Variants in TPRG1 observed in about 807,000 individuals in gnomAD.
TPRG1 encodes tumor protein p63-regulated gene 1 protein.
TPRG1 carries 29 observed loss-of-function variants against 29.3 expected under a neutral mutation model. That is an observed-to-expected ratio of 0.99 (90% CI 0.74 to 1.35). The LOEUF (loss-of-function observed/expected upper bound fraction) is 1.35. Among genes scored for constraint, TPRG1 ranks in the 40% most tolerant of loss-of-function variants. TPRG1 has a pLI of 0.00. For synonymous variants in TPRG1, 130 were observed against 116.8 expected (o/e 1.11, Z -0.73); for missense variants, 327 against 335.0 (o/e 0.98, Z 0.19).
chr3:189,079,135 C>A (rs563134708), intron 4 of TPRG1, among the ~76,000 whole-genome samples: 57 of 152,102 alleles, frequency 3.7e-4, no homozygotes, highest in African/African-American at 1.3e-3. Flanking sequence ...AGGGAGGGAG[C>A]AAAAGGAAGA....
chr3:189,095,194 G>A (rs576129532), upstream of TPRG1, among the ~76,000 whole-genome samples: 1 of 152,158 alleles, frequency 6.6e-6, no homozygotes, highest in Non-Finnish European at 1.5e-5. Context: ...AATGGAACAG[G>A]ACATCTTTTA....
intron 4 of TPRG1, among the ~76,000 whole-genome samples, chr3:189,308,505 A>C (rs1156445715): frequency 6.6e-6 from 1 of 152,228 alleles, no homozygotes; most frequent in Non-Finnish European, 1.5e-5. Flanking sequence ...GTGATAACTT[A>C]GCTTCAGATT....
At chr3:189,293,204 T>C (rs1877935) in intron 4 of TPRG1, among the ~76,000 whole-genome samples, 42,378 of 152,106 alleles carry the variant, frequency 0.28, 6,381 homozygotes, top group Middle Eastern at 0.35. Flanking sequence ...TGAGATGATG[T>C]GGAGGCTCCT....
At chr3:189,201,870 T>C (rs975236324) in intron 1 of TPRG1, among the ~76,000 whole-genome samples, 1 of 152,054 alleles carries the variant, frequency 6.6e-6, no homozygotes, top group Admixed American at 6.6e-5. Context: ...AGGCTGGTCT[T>C]GAACTCCTGA....
At chr3:189,076,992 G>A (rs1717222623) in intron 4 of TPRG1, among the ~76,000 whole-genome samples, 1 of 151,336 alleles carries the variant, frequency 6.6e-6, no homozygotes, top group Non-Finnish European at 1.5e-5. Context: ...ACCACAATAA[G>A]ATAAATTGTA....
chr3:189,253,376 T>G (rs1193006942), intron 4 of TPRG1, among the ~76,000 whole-genome samples: 1 of 152,226 alleles, frequency 6.6e-6, no homozygotes, highest in Non-Finnish European at 1.5e-5. Context: ...CTGTGTTAGT[T>G]TGCTGAGAAT....
intron 3 of TPRG1, among the ~76,000 whole-genome samples, chr3:189,216,974 G>T (rs766818968): frequency 6.6e-6 from 1 of 152,148 alleles, no homozygotes; most frequent in South Asian, 2.1e-4. Flanking sequence ...CACAAATGCG[G>T]TATTTCTAAA....
chr3:189,313,757 G>A (rs1723060375), intron 5 of TPRG1, among the ~76,000 whole-genome samples: 1 of 152,120 alleles, frequency 6.6e-6, no homozygotes, highest in African/African-American at 2.4e-5. Flanking sequence ...TCTTGCCTTT[G>A]TGGAAGGCAG....
At chr3:189,206,288 A>G (rs2108800585) in intron 1 of TPRG1, among the ~76,000 whole-genome samples, 1 of 151,792 alleles carries the variant, frequency 6.6e-6, no homozygotes, top group East Asian at 1.9e-4. Flanking sequence ...ACTTTCAGTG[A>G]TAACATTGTA....
At chr3:189,020,566 T>C (rs1328220986) in intron 3 of TPRG1, among the ~76,000 whole-genome samples, 1 of 151,204 alleles carries the variant, frequency 6.6e-6, no homozygotes, top group Non-Finnish European at 1.5e-5. Flanking sequence ...AATCCTGAGT[T>C]CTAGTTTGAT....
chr3:189,000,208 A>G (rs1376341201), intron 1 of TPRG1, among the ~76,000 whole-genome samples: 2 of 152,014 alleles, frequency 1.3e-5, no homozygotes, highest in Non-Finnish European at 2.9e-5. Flanking sequence ...AGCAGTGTTT[A>G]CCTGCTATTT....
chr3:189,150,340 G>A (rs968343568), intron 4 of TPRG1, among the ~76,000 whole-genome samples: 3 of 152,110 alleles, frequency 2.0e-5, no homozygotes, highest in African/African-American at 4.8e-5. Context: ...GCACTACCAC[G>A]CCGAGCAAAT....
intron 1 of TPRG1, among the ~76,000 whole-genome samples, chr3:189,196,644 T>C (rs1245564499): frequency 1.3e-5 from 2 of 152,050 alleles, no homozygotes; most frequent in African/African-American, 2.4e-5. Flanking sequence ...TCCCACTGGG[T>C]CCCTCCCATG....
chr3:189,106,711 T>C (rs1215269418), intron 1 of TPRG1, among the ~76,000 whole-genome samples: 3 of 152,162 alleles, frequency 2.0e-5, no homozygotes, highest in African/African-American at 7.2e-5. Context: ...ACACACTGTT[T>C]TTCTTCTTCT....
intron 1 of TPRG1, among the ~76,000 whole-genome samples, chr3:189,194,747 T>C (rs1239456092): frequency 6.6e-6 from 1 of 152,110 alleles, no homozygotes; most frequent in Non-Finnish European, 1.5e-5. Flanking sequence ...AGATACTGTG[T>C]AGTAGTAGCT....
At chr3:189,126,581 AAG>A (rs1560468010) in intron 1 of TPRG1, among the ~76,000 whole-genome samples, 1 of 152,186 alleles carries the variant, frequency 6.6e-6, no homozygotes, top group African/African-American at 2.4e-5. Context: ...GCATGTGATT[AAG>A]AGTGTGGTTT....
chr3:189,077,320 C>A (rs1177702802), intron 4 of TPRG1, among the ~76,000 whole-genome samples: 2 of 152,040 alleles, frequency 1.3e-5, no homozygotes, highest in African/African-American at 4.8e-5. Flanking sequence ...TCAAAAACAT[C>A]ATATTAACTG....
At chr3:189,082,158 G>T (rs1560433319) in intron 4 of TPRG1, among the ~76,000 whole-genome samples, 1 of 152,214 alleles carries the variant, frequency 6.6e-6, no homozygotes, top group Non-Finnish European at 1.5e-5. Context: ...ATAAGAGGGT[G>T]TGTGTCTTCA....
chr3:189,065,177 A>C (rs1716356234), intron 4 of TPRG1, among the ~76,000 whole-genome samples: 2 of 148,556 alleles, frequency 1.3e-5, no homozygotes, highest in Non-Finnish European at 1.5e-5. Flanking sequence ...ACTGTCTCTT[A>C]AAAAAAAAGA....
Sources: allele counts gnomAD v4.1 joint callset (sites outside exome capture counted in the v4.1 genomes callset), GRCh38; gene constraint gnomAD v4.1.1; transcripts MANE v1.5; gene names NCBI Gene and HGNC (gene_info 2026-07-23, HGNC 2026-07-21).